The following DHRS13 variants were observed in gnomAD, a reference collection of about 807,000 sequenced individuals.
DHRS13 encodes the protein dehydrogenase/reductase 13.
DHRS13 carries 22 observed loss-of-function variants against 17.9 expected under a neutral mutation model. The observed-to-expected ratio is 1.23, with a 90% CI of 0.88 to 1.75. The LOEUF is 1.75. Among genes scored for constraint, DHRS13 ranks in the 40% most tolerant of loss-of-function variants. The pLI is 0.00. For missense variants in DHRS13, 483 were observed against 519.9 expected, an observed-to-expected ratio of 0.93 and a Z score of 0.69; for synonymous variants, 206 against 220.4, an observed-to-expected ratio of 0.93 and a Z score of 0.58.
Position 28,898,614 on chromosome 17 carries a change from G to T in DHRS13, c.961C>A (p.Pro321Thr), listed in dbSNP as rs768002477. 32 of 1,613,662 alleles carry T rather than the reference G, an allele frequency of 2.0e-5. No individual in the cohort carries two copies. Among genetic ancestry groups the T allele is most frequent in the Non-Finnish European group, 2.7e-5 (32 of 1,179,846 alleles). Reference protein sequence around the residue: ...AGLGPGEDAEPDEDPQSEDSE... With the variant: ...AGLGPGEDAETDEDPQSEDSE... ...TCCTCAGACTGGGGGTCTTCATCGG[G>T]TTCAGCATCCTCCCCAGGCCCAAGC... is the stretch of plus-strand genomic sequence containing the variant. Residue 321 changes from proline to threonine, a missense_variant, in exon 5 of 5, where the codon CCC (proline) becomes ACC (threonine). Pro to Thr is a conservative substitution (Grantham distance 38). Transcript: ENST00000378895.
At position 28,901,641 on chromosome 17, in the gene DHRS13, T is replaced by C; in HGVS notation, c.247-25A>G. On this transcript the variant is annotated intron_variant, in intron 2 of 4. Transcript: ENST00000378895. This position sits in a 1 kb window ranked among gnomAD's most constrained non-coding sequence, Gnocchi z 4.3. ...CCTGTGGAGAGGCAAGGGCTGGGCT[T>C]GTCACCAGGCATCTCTCTCCTCTTC... 6.2e-7 allele frequency: 1 copy of C among 1,612,502 alleles called. No homozygotes were observed. Among genetic ancestry groups the C allele is most frequent in the South Asian group, 1.1e-5 (1 of 91,056 alleles).
rs1364252193 is a variant in DHRS13 at position 28,902,555 on chromosome 17, C to A, written c.246+28G>T. ...GTGTCCCGGCGGGTTCTCGGCTCACCGTCCCACGCGCCCCCGCTGCCTCTC... is the reference window on the plus strand; with the variant it reads ...GTGTCCCGGCGGGTTCTCGGCTCACAGTCCCACGCGCCCCCGCTGCCTCTC... On this transcript the variant is annotated intron_variant, in intron 2 of 4. Coordinates refer to ENST00000378895, the MANE Select transcript of DHRS13 (RefSeq NM_144683.4). The surrounding 1 kb of genome is among the most constrained non-coding windows in gnomAD (Gnocchi z 4.0). The A allele has an allele frequency of 8.9e-6, 13 of 1,464,160 alleles. No homozygotes were observed. The highest frequency in any genetic ancestry group is 1.2e-5 in the Non-Finnish European group (13 of 1,116,458). 90.7% of individuals were successfully genotyped at this position (1,464,160 alleles called of 1,614,324 possible). A position where few individuals can be genotyped will look rare whatever the true frequency, so the allele number is the denominator to read the frequency against.
chr17:28,902,732 C>A lies in DHRS13; in HGVS notation c.128-31G>T, dbSNP rs2039817063. The A allele has an allele frequency of 7.3e-7, 1 of 1,371,884 alleles. No homozygotes were observed. Among genetic ancestry groups the A allele is most frequent in the South Asian group, 1.7e-5 (1 of 58,500 alleles). 85.0% of individuals were successfully genotyped at this position (1,371,884 alleles called of 1,614,324 possible). On this transcript the variant is annotated intron_variant, in intron 1 of 4. Transcript: ENST00000378895. This position sits in a 1 kb window ranked among gnomAD's most constrained non-coding sequence, Gnocchi z 4.0. ...GACCGCGGGCGGGAGCCGAGCTGAG[C>A]TGAGCCCGGCGGGCCGCTGCTACCG...
intron 4 of DHRS13, 52 bp downstream of exon 4, chr17:28,900,938 G>C (rs2039799682): frequency 6.5e-7 from 1 of 1,536,062 alleles, no homozygotes; most frequent in African/African-American, 1.4e-5. Context: ...GGGGGCACAG[G>C]ATGGGGCAAG....
Position 28,902,395 on chromosome 17 carries a change from C to T in DHRS13, c.246+188G>A, listed in dbSNP as rs1389967525. The stretch of plus-strand genomic sequence containing the variant: ...TGCAATTACGGCCTTCAGGAAGCCC[C>T]TCCCCCACTCGGCTCTGGTGCGCCT... On this transcript the variant is annotated intron_variant, in intron 2 of 4. Coordinates refer to ENST00000378895, the MANE Select transcript of DHRS13 (RefSeq NM_144683.4). This position sits in a 1 kb window ranked among gnomAD's most constrained non-coding sequence, Gnocchi z 4.0. 1.3e-5 allele frequency among the ~76,000 whole-genome samples: 2 copies of T among 152,226 alleles called. No individual in the cohort carries two copies. Among genetic ancestry groups the T allele is most frequent in the Non-Finnish European group, 2.9e-5 (2 of 68,032 alleles).
rs1470000448 is a variant in DHRS13, at chr17:28,902,548, G to C, written c.246+35C>G. On this transcript the variant is annotated intron_variant, in intron 2 of 4. Coordinates refer to ENST00000378895, the MANE Select transcript of DHRS13 (RefSeq NM_144683.4). This position sits in a 1 kb window ranked among gnomAD's most constrained non-coding sequence, Gnocchi z 4.0. ...CTTCTCTGTGTCCCGGCGGGTTCTC[G>C]GCTCACCGTCCCACGCGCCCCCGCT... The C allele has an allele frequency of 6.2e-6, 9 of 1,456,442 alleles. No homozygotes were observed. The African/African-American group carries it at 8.9e-5, about 14-fold the overall frequency. The allele number at this position is 1,456,442 out of a possible 1,614,324, so 90.2% of individuals were successfully genotyped here.
In DHRS13 at chr17:28,899,035, C is replaced by A; in HGVS notation, c.683-143G>T. On this transcript the variant is annotated intron_variant, in intron 4 of 4. Coordinates refer to ENST00000378895, the MANE Select transcript of DHRS13 (RefSeq NM_144683.4). The surrounding 1 kb of genome is among the most constrained non-coding windows in gnomAD (Gnocchi z 4.7). ...TGGGCAACATAGTCAAGCTCTGTCT[C>A]TTTAAAAAAAAAAACAACAACAAAA... The A allele has an allele frequency of 1.2e-5, 8 of 643,374 alleles. No homozygotes were observed. The highest frequency in any genetic ancestry group is 2.0e-5 in the Non-Finnish European group (8 of 405,268). 39.9% of individuals were successfully genotyped at this position (643,374 alleles called of 1,614,324 possible). A position where few individuals can be genotyped will look rare whatever the true frequency, so the allele number is the denominator to read the frequency against.
chr17:28,901,006 G>A lies in DHRS13; in HGVS notation c.666C>T (p.Cys222=), dbSNP rs2039800213. The A allele has an allele frequency of 6.2e-7, 1 of 1,600,226 alleles. No individual in the cohort carries two copies. Residue 222 remains cysteine, a synonymous_variant, in exon 4 of 5, where the codon TGC becomes TGT. Coordinates refer to ENST00000378895, the MANE Select transcript of DHRS13 (RefSeq NM_144683.4). The surrounding 1 kb of genome is among the most constrained non-coding windows in gnomAD (Gnocchi z 4.3). Reference sequence around the variant, plus strand: ...AGACCTCACCTGGGTGGGCTGCATAGCAGGTGACGCCAGTGGCCTCAAGCT... The same window carrying A: ...AGACCTCACCTGGGTGGGCTGCATAACAGGTGACGCCAGTGGCCTCAAGCT... ...ANQLEATGVT[C]YAAHPGPVNS...
rs1257376455 is a variant in DHRS13, at chr17:28,901,748, T to C, written c.247-132A>G. 7.1e-7 allele frequency: 1 copy of C among 1,416,608 alleles called. No homozygotes were observed. The highest frequency in any genetic ancestry group is 9.4e-7 in the Non-Finnish European group (1 of 1,068,486). 87.8% of individuals were successfully genotyped at this position (1,416,608 alleles called of 1,614,324 possible). A position where few individuals can be genotyped will look rare whatever the true frequency, so the allele number is the denominator to read the frequency against. ...CCCCTGTGTCTTAGAGTGTACTAGA[T>C]AAGTGTGTGGATTCAAATCCTGACT... On this transcript the variant is annotated intron_variant, in intron 2 of 4. Transcript: ENST00000378895. The surrounding 1 kb of genome is among the most constrained non-coding windows in gnomAD (Gnocchi z 4.3).
At chr17:28,900,268 A>G (rs2039795242) in intron 4 of DHRS13, among the ~76,000 whole-genome samples, 1 of 152,188 alleles carries the variant, frequency 6.6e-6, no homozygotes, top group African/African-American at 2.4e-5. Flanking sequence ...ACCTCAAGTG[A>G]TCTACCAGCC....
chr17:28,900,871 G>A, intron 4 of DHRS13, 119 bp downstream of exon 4: 5 of 1,142,928 alleles, frequency 4.4e-6, no homozygotes, highest in Non-Finnish European at 6.1e-6. Context: ...CTTCCTTGCT[G>A]CCCTGAGATT....
chr17:28,899,060 A>C lies in DHRS13; in HGVS notation c.683-168T>G. 1 of 605,674 alleles carries C rather than the reference A, an allele frequency of 1.7e-6. No individual in the cohort carries two copies. Among genetic ancestry groups the C allele is most frequent in the Non-Finnish European group, 2.7e-6 (1 of 364,524 alleles). The allele number at this position is 605,674 out of a possible 1,614,324, so 37.5% of individuals were successfully genotyped here. The stretch of plus-strand genomic sequence containing the variant: ...CTTTAAAAAAAAAAACAACAACAAA[A>C]AAAATAGAACAGAGCTAGAAGAACA... On this transcript the variant is annotated intron_variant, in intron 4 of 4. Coordinates refer to ENST00000378895, the MANE Select transcript of DHRS13 (RefSeq NM_144683.4). The surrounding 1 kb of genome is among the most constrained non-coding windows in gnomAD (Gnocchi z 4.7).
Position 28,901,406 on chromosome 17 carries a change from C to T in DHRS13, c.370+87G>A. ...AGGGGGCATCCTTCCCATGTGTCCA[C>T]TGGCCCCAGCAGGGCCCCCGCTGGA... On this transcript the variant is annotated intron_variant, in intron 3 of 4. Coordinates refer to ENST00000378895, the MANE Select transcript of DHRS13 (RefSeq NM_144683.4). The surrounding 1 kb of genome is among the most constrained non-coding windows in gnomAD (Gnocchi z 4.3). The T allele has an allele frequency of 6.2e-7, 1 of 1,600,272 alleles. No homozygotes were observed. Among genetic ancestry groups the T allele is most frequent in the Non-Finnish European group, 8.5e-7 (1 of 1,173,174 alleles).
Position 28,897,810 on chromosome 17 carries a change from G to T in DHRS13, c.*631C>A. On this transcript the variant is annotated 3_prime_UTR_variant, in exon 5 of 5. Transcript: ENST00000378895. This position sits in a 1 kb window ranked among gnomAD's most constrained non-coding sequence, Gnocchi z 4.4. ...GCGGTCAACGCGCTTTATTCCGAGG[G>T]GCTTCAGATACAGATGACCCCAGCC... 3.3e-6 allele frequency: 1 copy of T among 305,076 alleles called. No individual in the cohort carries two copies. The highest frequency in any genetic ancestry group is 6.0e-6 in the Non-Finnish European group (1 of 167,992). The allele number at this position is 305,076 out of a possible 1,614,324, so 18.9% of individuals were successfully genotyped here.
At position 28,903,018 on chromosome 17, in the gene DHRS13, C is replaced by T. The variant is rs1177193583; in HGVS notation, c.-74G>A. 9 of 1,271,792 alleles carry T rather than the reference C, an allele frequency of 7.1e-6. No homozygotes were observed. The highest frequency in any genetic ancestry group is 9.0e-6 in the Non-Finnish European group (9 of 1,003,102). The allele number at this position is 1,271,792 out of a possible 1,614,324, so 78.8% of individuals were successfully genotyped here. A position where few individuals can be genotyped will look rare whatever the true frequency, so the allele number is the denominator to read the frequency against. ...CGCCGCCAGGCGGCTGCCGATCCGC[C>T]CTGCACAGGCCTGGAACGGCGCCCG... On this transcript the variant is annotated 5_prime_UTR_variant, in exon 1 of 5. Transcript: ENST00000378895. This position sits in a 1 kb window ranked among gnomAD's most constrained non-coding sequence, Gnocchi z 4.8.
In DHRS13 at chr17:28,900,987, C is replaced by T; in HGVS notation, c.682+3G>A. ...AATCGGAAGCCAAAGAACCAGACCT[C>T]ACCTGGGTGGGCTGCATAGCAGGTG... On this transcript the variant is annotated splice_donor_region_variant and intron_variant, in intron 4 of 4. Transcript: ENST00000378895. 1.2e-5 allele frequency: 19 copies of T among 1,584,266 alleles called. No homozygotes were observed. The highest frequency in any genetic ancestry group is 1.5e-5 in the Non-Finnish European group (17 of 1,161,594).
intron 4 of DHRS13, among the ~76,000 whole-genome samples, chr17:28,900,130 T>C (rs1247578592): frequency 6.6e-6 from 1 of 152,078 alleles, no homozygotes; most frequent in Non-Finnish European, 1.5e-5. Context: ...GTCAGGCTGG[T>C]CTCGAACTCC....
Position 28,901,464 on chromosome 17 carries a change from A to C in DHRS13, c.370+29T>G. On this transcript the variant is annotated intron_variant, in intron 3 of 4. Transcript: ENST00000378895. This position sits in a 1 kb window ranked among gnomAD's most constrained non-coding sequence, Gnocchi z 4.3. ...GTTGCCCCTGGCCACCCGCCACCCC[A>C]CCCCCACGCAGGGCCTGCTGCCCCT... 5 of 1,611,600 alleles carry C rather than the reference A, an allele frequency of 3.1e-6. No individual in the cohort carries two copies. The highest frequency in any genetic ancestry group is 4.2e-6 in the Non-Finnish European group (5 of 1,179,360).
At position 28,902,827 on chromosome 17, in the gene DHRS13, C is replaced by T. The variant is rs757096571; in HGVS notation, c.118G>A (p.Val40Met). Residue 40 changes from valine (V) to methionine (M), a missense_variant, in exon 1 of 5, where the codon GTG becomes ATG. By Grantham distance (21) the Val-to-Met change is conservative. Coordinates refer to ENST00000378895, the MANE Select transcript of DHRS13 (RefSeq NM_144683.4). The surrounding 1 kb of genome is among the most constrained non-coding windows in gnomAD (Gnocchi z 4.0). ...GMGNLRGRTA[V>M]VTGANSGIGK... ...CCGCCTCCGCACTCACCCGTGACCA[C>T]GGCCGTGCGGCCCCGCAGGTTGCCC... is the stretch of plus-strand genomic sequence containing the variant. 2 of 1,540,200 alleles carry T rather than the reference C, an allele frequency of 1.3e-6. No homozygotes were observed. The highest frequency in any genetic ancestry group is 8.7e-7 in the Non-Finnish European group (1 of 1,152,162).
Sources: allele counts gnomAD v4.1 joint callset (sites outside exome capture counted in the v4.1 genomes callset), GRCh38; gene constraint gnomAD v4.1.1; non-coding constraint Gnocchi (gnomAD v3.1); transcripts MANE v1.5; gene names NCBI Gene and HGNC (gene_info 2026-07-23, HGNC 2026-07-21).